Variants in PLA2G4C observed in about 807,000 individuals in gnomAD.
PLA2G4C encodes cytosolic phospholipase A2 gamma.
Under a neutral mutation model 73.8 loss-of-function variants are expected in PLA2G4C, and 64 were observed. The ratio of observed to expected loss-of-function variants is 0.87; its 90% CI spans 0.71 to 1.07. The LOEUF (loss-of-function observed/expected upper bound fraction) is 1.07, where lower values mean the gene tolerates loss of function less well. Among genes scored for constraint, PLA2G4C ranks in the 50% least tolerant of loss-of-function variants. The pLI is 0.00. For missense variants in PLA2G4C, 622 were observed against 665.4 expected (o/e 0.93, Z 0.72); for synonymous variants, 254 against 252.1 (o/e 1.01, Z -0.07).
intron 1 of PLA2G4C, among the ~76,000 whole-genome samples, chr19:48,109,537 G>T (rs1179195122): frequency 6.6e-6 from 1 of 152,164 alleles, no homozygotes; most frequent in African/African-American, 2.4e-5. Context: ...TTCCCAAAAC[G>T]CTGGGATTAT....
At chr19:48,069,604 G>A (rs1426923502) in intron 12 of PLA2G4C, among the ~76,000 whole-genome samples, 1 of 152,014 alleles carries the variant, frequency 6.6e-6, no homozygotes, top group Non-Finnish European at 1.5e-5. Context: ...CTCCCCCTCT[G>A]ATTTCCCTCT....
chr19:48,057,421 C>G (rs1967982494), intron 14 of PLA2G4C, among the ~76,000 whole-genome samples: 1 of 148,476 alleles, frequency 6.7e-6, no homozygotes, highest in African/African-American at 2.5e-5. Context: ...CTAGAAACCA[C>G]TCATTAGCAA....
At chr19:48,095,917 G>C (rs923382019) in intron 6 of PLA2G4C, among the ~76,000 whole-genome samples, 3 of 152,184 alleles carry the variant, frequency 2.0e-5, no homozygotes, top group African/African-American at 7.2e-5. Context: ...GAAGAGTGTA[G>C]CCACACGATT....
At chr19:48,095,320 C>T in intron 7 of PLA2G4C, 144 bp downstream of exon 7, 1 of 732,656 alleles carries the variant, frequency 1.4e-6, no homozygotes, top group East Asian at 2.5e-5. Context: ...AGGAATACAC[C>T]ATTCCTCTTT....
Position 48,067,849 on chromosome 19 carries a change from T to A in PLA2G4C, c.1044A>T (p.Thr348=). 4 of 1,613,832 alleles carry A rather than the reference T, an allele frequency of 2.5e-6. No individual in the cohort carries two copies. Among genetic ancestry groups the A allele is most frequent in the Non-Finnish European group, 3.4e-6 (4 of 1,179,742 alleles). The change falls in exon 13 of 17, where the codon ACA becomes ACT. Residue 348 remains threonine, a synonymous_variant. Transcript: ENST00000599921. ...ATTCCCACTTTGAAGCGCAAATGCC[T>A]GTTTTCTTCACAAAATCCATCAAGT... ...LSNLMDFVKK[T]GICASKWEWG...
At chr19:48,075,254 G>A (rs1055265649) in intron 11 of PLA2G4C, among the ~76,000 whole-genome samples, 1 of 151,304 alleles carries the variant, frequency 6.6e-6, no homozygotes, top group African/African-American at 2.4e-5. Flanking sequence ...GGCAATCTCA[G>A]CTCACTGCAA....
intron 4 of PLA2G4C, among the ~76,000 whole-genome samples, chr19:48,100,395 G>T (rs564179192): frequency 6.6e-6 from 1 of 151,050 alleles, no homozygotes; most frequent in Admixed American, 6.6e-5. Flanking sequence ...GGCATGCGTG[G>T]TGGTGGGTAC....
intron 10 of PLA2G4C, among the ~76,000 whole-genome samples, chr19:48,080,960 T>A (rs1371939457): frequency 7.3e-6 from 1 of 136,792 alleles, no homozygotes; most frequent in Non-Finnish European, 1.5e-5. Flanking sequence ...AGATCGAGAC[T>A]ATCCTGGCTA....
At chr19:48,104,221 C>T (rs1357733058) in intron 4 of PLA2G4C, 2 of 182,628 alleles carry the variant, frequency 1.1e-5, no homozygotes, top group Non-Finnish European at 1.1e-5. Context: ...TTGTAATACA[C>T]CAGCAATTGT....
rs251683 is a variant in PLA2G4C, at chr19:48,098,271, G to T, written c.448-12C>A. On this transcript the variant is annotated splice_polypyrimidine_tract_variant and intron_variant, in intron 5 of 16. Coordinates refer to ENST00000599921, the MANE Select transcript of PLA2G4C (RefSeq NM_003706.3). ...TGAGACTCCGGCAGCTTTGGGAGAA[G>T]GTGCCAAGACAGTGTGAGGGAGGCA... 1,006,759 of 1,605,712 alleles carry T rather than the reference G, an allele frequency of 0.63. 317,779 individuals are homozygous for T. Among genetic ancestry groups the T allele is most frequent in the East Asian group, 0.7 (31,272 of 44,490 alleles).
Position 48,098,271 on chromosome 19 carries a change from G to C in PLA2G4C, c.448-12C>G, listed in dbSNP as rs251683. ...TGAGACTCCGGCAGCTTTGGGAGAA[G>C]GTGCCAAGACAGTGTGAGGGAGGCA... On this transcript the variant is annotated splice_polypyrimidine_tract_variant and intron_variant, in intron 5 of 16. Transcript: ENST00000599921. 2 of 1,608,440 alleles carry C rather than the reference G, an allele frequency of 1.2e-6. No individual in the cohort carries two copies. The highest frequency in any genetic ancestry group is 2.2e-5 in the East Asian group (1 of 44,550).
chr19:48,057,477 C>CTTTTTTTTTTTT (rs1265460823), intron 14 of PLA2G4C, among the ~76,000 whole-genome samples: 5 of 16,850 alleles, frequency 3.0e-4, no homozygotes, highest in East Asian at 2.3e-3. Context: ...TCTTCTTCTT[C>CTTTTTTTTTTTT]TTCTTCTTTT....
At position 48,098,243 on chromosome 19, in the gene PLA2G4C, A is replaced by C; in HGVS notation, c.464T>G (p.Leu155Trp). The C allele has an allele frequency of 6.2e-7, 1 of 1,612,602 alleles. No homozygotes were observed. Among genetic ancestry groups the C allele is most frequent in the South Asian group, 1.1e-5 (1 of 90,762 alleles). The change falls in exon 6 of 17, where the codon TTG becomes TGG. Residue 155 changes from leucine to tryptophan, a missense_variant. Transcript: ENST00000599921. ...TTCCACGGGCTTCTTCATATTGGACAAATGAGACTCCGGCAGCTTTGGGAG... is the reference window on the plus strand; with the variant it reads ...TTCCACGGGCTTCTTCATATTGGACCAATGAGACTCCGGCAGCTTTGGGAG... Reference protein sequence around the residue: ...KQTRELPESHLSNMKKPVEEG... With the variant: ...KQTRELPESHWSNMKKPVEEG...
chr19:48,106,633 G>C, intron 1 of PLA2G4C, 72 bp from the exon 2 acceptor site: 5 of 1,177,740 alleles, frequency 4.2e-6, no homozygotes, highest in African/African-American at 1.5e-5. Flanking sequence ...GGGAGGGCTG[G>C]GACTGTCACG....
chr19:48,064,004 G>A (rs1050938622), intron 13 of PLA2G4C: 2 of 152,094 alleles, frequency 1.3e-5, no homozygotes, highest in African/African-American at 4.8e-5. Flanking sequence ...AGAGTAGGGT[G>A]TTACGGAAAG....
At chr19:48,088,365 C>T (rs11564556) in intron 9 of PLA2G4C, among the ~76,000 whole-genome samples, 2,554 of 124,252 alleles carry the variant, frequency 0.021, 82 homozygotes, top group African/African-American at 0.065. Flanking sequence ...CATCCTTAAG[C>T]GGAAAAAAGA....
chr19:48,075,504 T>A (rs2122552974), intron 11 of PLA2G4C, among the ~76,000 whole-genome samples: 1 of 152,108 alleles, frequency 6.6e-6, no homozygotes. Flanking sequence ...CTTATTTTTA[T>A]CCACACTCAT....
Position 48,110,562 on chromosome 19 carries a change from C to CCGGAATCCGGTGCGGAGGCTTGGGCT in PLA2G4C, c.-109_-108insAGCCCAAGCCTCCGCACCGGATTCCG. ...GGAATCCGGTGCGGAGGCTTGGGCTCCCTGCGCTTAGCGGTGTAGTCGCTG... is the reference window on the plus strand; with the variant it reads ...GGAATCCGGTGCGGAGGCTTGGGCTCCGGAATCCGGTGCGGAGGCTTGGGCTCCTGCGCTTAGCGGTGTAGTCGCTG... On this transcript the variant is annotated 5_prime_UTR_variant, in exon 1 of 17. Transcript: ENST00000599921. 1 of 1,473,782 alleles carries CCGGAATCCGGTGCGGAGGCTTGGGCT rather than the reference C, an allele frequency of 6.8e-7. No individual in the cohort carries two copies. Among genetic ancestry groups the CCGGAATCCGGTGCGGAGGCTTGGGCT allele is most frequent in the Non-Finnish European group, 9.0e-7 (1 of 1,107,320 alleles). 91.3% of individuals were successfully genotyped at this position (1,473,782 alleles called of 1,614,324 possible).
intron 8 of PLA2G4C, 118 bp from the exon 9 acceptor site, chr19:48,088,830 C>T (rs868745764): frequency 3.8e-5 from 31 of 814,424 alleles, no homozygotes; most frequent in Non-Finnish European, 6.3e-5. Context: ...CAGCCATGGG[C>T]TCCAATGGCA....
Sources: allele counts gnomAD v4.1 joint callset (sites outside exome capture counted in the v4.1 genomes callset), GRCh38; gene constraint gnomAD v4.1.1; transcripts MANE v1.5; gene names NCBI Gene and HGNC (gene_info 2026-07-23, HGNC 2026-07-21).